The following TYW1B variants were observed in gnomAD, a reference collection of about 807,000 sequenced individuals.
TYW1B encodes S-adenosyl-L-methionine-dependent tRNA 4-demethylwyosine synthase TYW1B.
In TYW1B, 73 loss-of-function variants were observed where a neutral mutation model predicts 86.9. The observed-to-expected ratio is 0.84, with a 90% confidence interval of 0.70 to 1.02. The LOEUF is 1.02. TYW1B is among the 50% of genes least tolerant of loss of function. The pLI is 0.00. For synonymous variants in TYW1B, 248 were observed against 292.8 expected (o/e 0.85, Z 1.56); for missense variants, 637 against 827.4 (o/e 0.77, Z 2.82).
chr7:72,652,010 T>C (rs1813070374), intron 11 of TYW1B, among the ~76,000 whole-genome samples: 1 of 150,542 alleles, frequency 6.6e-6, no homozygotes, highest in African/African-American at 2.4e-5. Context: ...CTCAACCTCC[T>C]GGGCTCAAGA....
At chr7:72,602,573 G>A (rs1300002188) in intron 13 of TYW1B, among the ~76,000 whole-genome samples, 1 of 152,118 alleles carries the variant, frequency 6.6e-6, no homozygotes, top group Non-Finnish European at 1.5e-5. Flanking sequence ...GGCTGAGGCA[G>A]AAAATACAGA....
At chr7:72,621,529 T>A (rs782810963) in intron 12 of TYW1B, among the ~76,000 whole-genome samples, 10 of 152,238 alleles carry the variant, frequency 6.6e-5, no homozygotes, top group Non-Finnish European at 1.5e-4. Context: ...TGTCTGCACC[T>A]GGCTAAACCG....
intron 6 of TYW1B, among the ~76,000 whole-genome samples, chr7:72,797,257 G>C (rs1788320448): frequency 6.6e-6 from 1 of 152,180 alleles, no homozygotes; most frequent in African/African-American, 2.4e-5. Context: ...GACCTTTGAG[G>C]AAAAGAAGTA....
rs1319512843 is a variant in TYW1B, at chr7:72,805,561, CATG to C, written c.723+1502_723+1504del. Among the ~76,000 whole-genome samples the C allele has an allele frequency of 2.7e-5, 4 of 150,536 alleles. No homozygotes were observed. The East Asian group carries it at 7.8e-4, about 29-fold the overall frequency. ...TGGGGAGGTTGAGGCTGCAGTGAGC[CATG>C]ATCATACCGTTGTACTCTGACTGGG... is the stretch of plus-strand genomic sequence containing the variant. On this transcript the variant is annotated intron_variant, in intron 5 of 13. Transcript: ENST00000620995.
In TYW1B at chr7:72,715,277, G is replaced by A. The variant is rs536981618; in HGVS notation, c.1193-1479C>T. ...GTTCTGAATCCTAGCTGGACACTGG[G>A]ATTACCCAAAAAACATTTAAGAATC... On this transcript the variant is annotated intron_variant, in intron 9 of 13. Coordinates refer to ENST00000620995, the MANE Select transcript of TYW1B (RefSeq NM_001145440.3). 6.5e-3 allele frequency among the ~76,000 whole-genome samples: 990 copies of A among 152,014 alleles called. 12 individuals carry two copies. The highest frequency in any genetic ancestry group is 0.021 in the African/African-American group (851 of 41,440).
intron 8 of TYW1B, among the ~76,000 whole-genome samples, chr7:72,736,813 C>A (rs1787204493): frequency 6.6e-6 from 1 of 152,144 alleles, no homozygotes; most frequent in Non-Finnish European, 1.5e-5. Context: ...TACTTAATTT[C>A]TTTTTATTGA....
At chr7:72,583,298 C>T (rs1220215342) in intron 13 of TYW1B, among the ~76,000 whole-genome samples, 34 of 152,186 alleles carry the variant, frequency 2.2e-4, no homozygotes, top group Admixed American at 1.1e-3. Context: ...TGCAGTGAGC[C>T]GAGATCGTGC....
intron 2 of TYW1B, among the ~76,000 whole-genome samples, chr7:72,820,484 C>T (rs1357313018): frequency 1.3e-5 from 2 of 152,164 alleles, no homozygotes; most frequent in Non-Finnish European, 2.9e-5. Context: ...ATTTGGTTCA[C>T]AATTCTGATA....
At chr7:72,702,986 CTATA>C (rs371144509) in intron 10 of TYW1B, among the ~76,000 whole-genome samples, 1,531 of 35,766 alleles carry the variant, frequency 0.043, 13 homozygotes, top group Non-Finnish European at 0.06. Context: ...ATCTATCTAT[CTATA>C]TATATATATA....
chr7:72,620,048 C>T (rs1812176781), intron 12 of TYW1B, among the ~76,000 whole-genome samples: 1 of 152,158 alleles, frequency 6.6e-6, no homozygotes, highest in Non-Finnish European at 1.5e-5. Flanking sequence ...TTCCTTACAA[C>T]TCTATGATGC....
chr7:72,810,448 C>G (rs1554477841), intron 4 of TYW1B, 23 bp downstream of exon 4: 1 of 1,586,438 alleles, frequency 6.3e-7, no homozygotes, highest in South Asian at 1.2e-5. Context: ...AGAATTTATT[C>G]CTATAATTCA....
intron 13 of TYW1B, among the ~76,000 whole-genome samples, chr7:72,592,738 G>A (rs1488956106): frequency 6.6e-6 from 1 of 152,180 alleles, no homozygotes; most frequent in Non-Finnish European, 1.5e-5. Context: ...AAAGACAGCA[G>A]GAGCGGCTCT....
intron 5 of TYW1B, among the ~76,000 whole-genome samples, chr7:72,806,682 A>T (rs782078646): frequency 2.0e-5 from 3 of 151,146 alleles, no homozygotes; most frequent in African/African-American, 4.9e-5. Context: ...GCAGGGTCTC[A>T]CTCTGCTGCC....
At chr7:72,693,969 TA>T (rs1485654810) in intron 11 of TYW1B, among the ~76,000 whole-genome samples, 1 of 152,110 alleles carries the variant, frequency 6.6e-6, no homozygotes, top group Non-Finnish European at 1.5e-5. Context: ...ATTATTTATT[TA>T]TTTTTTTTGA....
intron 2 of TYW1B, among the ~76,000 whole-genome samples, chr7:72,816,846 A>G (rs555001329): frequency 1.3e-5 from 2 of 152,308 alleles, no homozygotes; most frequent in African/African-American, 4.8e-5. Context: ...AACGGCCTGG[A>G]AGCCCTGCTC....
chr7:72,616,882 C>T (rs1211705898), intron 12 of TYW1B, 43 bp from the exon 13 acceptor site: 8 of 1,604,318 alleles, frequency 5.0e-6, no homozygotes, highest in Non-Finnish European at 5.1e-6. Flanking sequence ...ACAGACCTAC[C>T]TGCATGTCAT....
intron 9 of TYW1B, among the ~76,000 whole-genome samples, chr7:72,718,897 G>C (rs1786839716): frequency 6.6e-6 from 1 of 152,114 alleles, no homozygotes; most frequent in South Asian, 2.1e-4. Context: ...GGATTCAGAT[G>C]CACCGGGTTC....
Position 72,677,408 on chromosome 7 carries a change from A to C in TYW1B, c.1506+17279T>G, listed in dbSNP as rs548493942. 2.3e-3 allele frequency among the ~76,000 whole-genome samples: 351 copies of C among 152,124 alleles called. 1 individual carries two copies. Among genetic ancestry groups the C allele is most frequent in the African/African-American group, 7.5e-3 (311 of 41,498 alleles). On this transcript the variant is annotated intron_variant, in intron 11 of 13. Coordinates refer to ENST00000620995, the MANE Select transcript of TYW1B (RefSeq NM_001145440.3). ...AGCAATCCTCCCACCTTGGCCTCCCAAAGTACTGGGATTACAGGCGTGAGC... is the reference window on the plus strand; with the variant it reads ...AGCAATCCTCCCACCTTGGCCTCCCCAAGTACTGGGATTACAGGCGTGAGC...
At chr7:72,679,651 G>T (rs1326145469) in intron 11 of TYW1B, among the ~76,000 whole-genome samples, 1 of 152,096 alleles carries the variant, frequency 6.6e-6, no homozygotes, top group African/African-American at 2.4e-5. Flanking sequence ...GAATGTACAT[G>T]ATACCACTGA....
Sources: gnomAD v4.1 joint callset for allele counts (sites outside exome capture counted in the v4.1 genomes callset) on GRCh38, gnomAD v4.1.1 for gene constraint, MANE v1.5 for transcripts, NCBI Gene and HGNC (gene_info 2026-07-23, HGNC 2026-07-21) for gene names.